PGAP1: variants seen among roughly 807,000 people sequenced by gnomAD.
PGAP1 encodes post-GPI attachment to proteins inositol deacylase 1.
A neutral mutation model predicts 127.0 loss-of-function variants in PGAP1; 76 were observed. That is an observed-to-expected ratio of 0.60 (90% CI 0.50 to 0.72). The LOEUF (loss-of-function observed/expected upper bound fraction) is 0.72, where lower values mean the gene tolerates loss of function less well. Ranked by LOEUF, PGAP1 falls within the 30% of genes least tolerant of loss-of-function variation. PGAP1 has a pLI of 0.00. For synonymous variants in PGAP1, 362 were observed against 366.5 expected, an observed-to-expected ratio of 0.99 and a Z score of 0.14; for missense variants, 982 against 1,071.3, an observed-to-expected ratio of 0.92 and a Z score of 1.16.
rs1039983512 is a variant in PGAP1, at chr2:196,902,657, C to A, written c.735G>T (p.Arg245=). ...LTTLSVAGGF[R]DYQVRSGLTF... ...TCAATCCTGAACGAACTTGGTAATCCCGGAATCCTCCAGCTACAGAAAGTG... is the reference window on the plus strand; with the variant it reads ...TCAATCCTGAACGAACTTGGTAATCACGGAATCCTCCAGCTACAGAAAGTG... The change falls in exon 5 of 27, where the codon CGG becomes CGT. Residue 245 remains arginine, a synonymous_variant. Coordinates refer to ENST00000354764, the MANE Select transcript of PGAP1 (RefSeq NM_024989.4). 6.2e-7 allele frequency: 1 copy of A among 1,612,784 alleles called. No individual in the cohort carries two copies. The highest frequency in any genetic ancestry group is 8.5e-7 in the Non-Finnish European group (1 of 1,179,258).
intron 20 of PGAP1, among the ~76,000 whole-genome samples, chr2:196,853,027 G>C (rs1407924314): frequency 6.6e-6 from 1 of 152,190 alleles, no homozygotes; most frequent in Non-Finnish European, 1.5e-5. Context: ...TAAAAATTTG[G>C]TCCCCTATGT....
At chr2:196,920,206 C>T (rs1187576531) in intron 1 of PGAP1, 56 bp from the exon 2 acceptor site, 2 of 1,480,262 alleles carry the variant, frequency 1.4e-6, no homozygotes, top group Non-Finnish European at 9.1e-7. Flanking sequence ...ACAATTCAGC[C>T]TCACCATATG....
intron 7 of PGAP1, among the ~76,000 whole-genome samples, chr2:196,895,337 A>AT (rs1477501815): frequency 6.6e-6 from 1 of 152,214 alleles, no homozygotes; most frequent in African/African-American, 2.4e-5. Flanking sequence ...TGTCTGACGT[A>AT]TCCTGTTCTT....
At chr2:196,858,315 T>C (rs1371813229) in intron 20 of PGAP1, among the ~76,000 whole-genome samples, 1 of 151,648 alleles carries the variant, frequency 6.6e-6, no homozygotes, top group Admixed American at 6.6e-5. Flanking sequence ...GGCAGGAGAA[T>C]GGCGTAAACC....
At chr2:196,890,806 T>A in intron 10 of PGAP1, 22 bp downstream of exon 10, 2 of 1,399,716 alleles carry the variant, frequency 1.4e-6, no homozygotes, top group Non-Finnish European at 2.0e-6. Context: ...TAAATTTACA[T>A]AAAATGTACC....
chr2:196,880,805 C>G (rs910283779), intron 12 of PGAP1, among the ~76,000 whole-genome samples: 6 of 152,150 alleles, frequency 3.9e-5, no homozygotes, highest in Admixed American at 6.6e-5. Context: ...TGGTAGAAGA[C>G]TGCTCTATTT....
At chr2:196,895,990 GT>G (rs1282205649) in intron 7 of PGAP1, among the ~76,000 whole-genome samples, 5 of 152,136 alleles carry the variant, frequency 3.3e-5, no homozygotes, top group Non-Finnish European at 7.4e-5. Flanking sequence ...ATGACCTGAG[GT>G]AAAAGGCTGT....
In PGAP1 at chr2:196,872,519, T is replaced by C. The variant is rs145378310; in HGVS notation, c.1650A>G (p.Lys550=). Residue 550 remains lysine (K), a synonymous_variant, in exon 18 of 27, where the codon AAA becomes AAG. Coordinates refer to ENST00000354764, the MANE Select transcript of PGAP1 (RefSeq NM_024989.4). ...QAPSSTEISL[K]LHIAQPENNT... ...TGTTTTCTGGTTGAGCAATATGGAG[T>C]TTCAGAGAAATTTCTGTGGAAGATG... The C allele has an allele frequency of 2.2e-5, 35 of 1,612,800 alleles. No individual in the cohort carries two copies. The highest frequency in any genetic ancestry group is 1.6e-4 in the Middle Eastern group (1 of 6,080).
At position 196,913,566 on chromosome 2, in the gene PGAP1, T is replaced by G. The variant is rs528017317; in HGVS notation, c.478-513A>C. On this transcript the variant is annotated intron_variant, in intron 3 of 26. Transcript: ENST00000354764. ...ACGAAGCAGCATTCCAAACATTTAT[T>G]CACTGACAATTCCATATTTTATTTT... Among the ~76,000 whole-genome samples, 27 of 152,384 alleles carry G rather than the reference T, an allele frequency of 1.8e-4. No homozygotes were observed. In the South Asian group the frequency reaches 5.2e-3, roughly 29 times the overall value.
intron 1 of PGAP1, among the ~76,000 whole-genome samples, chr2:196,923,327 C>A (rs1703267617): frequency 6.6e-6 from 1 of 152,176 alleles, no homozygotes; most frequent in Non-Finnish European, 1.5e-5. Flanking sequence ...ACTTCATACA[C>A]CCTCCATGTC....
intron 2 of PGAP1, among the ~76,000 whole-genome samples, chr2:196,919,408 A>T (rs1270370406): frequency 6.6e-6 from 1 of 152,178 alleles, no homozygotes; most frequent in East Asian, 1.9e-4. Flanking sequence ...TAGTCCATCA[A>T]ATAACAAGAA....
chr2:196,875,841 T>C lies in PGAP1; in HGVS notation c.1351-20A>G, dbSNP rs748611641. 8.0e-7 allele frequency: 1 copy of C among 1,249,488 alleles called. No homozygotes were observed. The highest frequency in any genetic ancestry group is 1.2e-6 in the Non-Finnish European group (1 of 868,492). The allele number at this position is 1,249,488 out of a possible 1,614,324, so 77.4% of individuals were successfully genotyped here. A position where few individuals can be genotyped will look rare whatever the true frequency, so the allele number is the denominator to read the frequency against. On this transcript the variant is annotated intron_variant, in intron 13 of 26. Transcript: ENST00000354764. ...AACAAACTGAAATATAAAACATTGA[T>C]TTATTAGAAAAAGTAAGTTAAATTT...
chr2:196,881,763 T>C (rs1365114436), intron 12 of PGAP1, among the ~76,000 whole-genome samples: 1 of 152,252 alleles, frequency 6.6e-6, no homozygotes, highest in Non-Finnish European at 1.5e-5. Flanking sequence ...TGCTGGATAT[T>C]AGACCTTTGT....
intron 1 of PGAP1, among the ~76,000 whole-genome samples, chr2:196,920,662 C>A (rs1703159402): frequency 6.6e-6 from 1 of 152,102 alleles, no homozygotes; most frequent in African/African-American, 2.4e-5. Flanking sequence ...TCTGACTTCT[C>A]AACTTAATAT....
intron 20 of PGAP1, among the ~76,000 whole-genome samples, chr2:196,862,602 C>T (rs766830012): frequency 6.6e-6 from 1 of 152,192 alleles, no homozygotes; most frequent in Non-Finnish European, 1.5e-5. Context: ...CATCACGGAA[C>T]CTACCAACAT....
chr2:196,896,807 C>CA (rs1702291713), intron 7 of PGAP1, among the ~76,000 whole-genome samples: 1 of 120,852 alleles, frequency 8.3e-6, no homozygotes, highest in African/African-American at 3.3e-5. Context: ...CCAGCCTGTG[C>CA]AACAGAGTGA....
rs749719250 is a variant in PGAP1, at chr2:196,926,562, A to G, written c.55T>C (p.Phe19Leu). Reference protein sequence around the residue: ...WNLAFYVFMVFLATLGLWDVF... With the variant: ...WNLAFYVFMVLLATLGLWDVF... ...TCCCACAGCCCCAGGGTTGCCAGAA[A>G]GACCATGAAGACATAAAACGCCAGG... The change falls in exon 1 of 27, where the codon TTT becomes CTT. Residue 19 changes from phenylalanine to leucine, a missense_variant. Phe to Leu is a conservative substitution (Grantham distance 22). Transcript: ENST00000354764. 243 of 1,613,990 alleles carry G rather than the reference A, an allele frequency of 1.5e-4. No individual in the cohort carries two copies. Among genetic ancestry groups the G allele is most frequent in the Non-Finnish European group, 1.9e-4 (223 of 1,179,944 alleles).
intron 12 of PGAP1, among the ~76,000 whole-genome samples, chr2:196,884,768 T>A (rs1383989165): frequency 2.0e-5 from 3 of 152,216 alleles, no homozygotes; most frequent in Non-Finnish European, 4.4e-5. Context: ...TCAATCCGGA[T>A]AAAATTTATC....
At chr2:196,898,926 G>GAAA (rs200619626) in intron 5 of PGAP1, among the ~76,000 whole-genome samples, 2 of 137,072 alleles carry the variant, frequency 1.5e-5, no homozygotes, top group Non-Finnish European at 3.2e-5. Context: ...TATATATTTT[G>GAAA]AAAAAAAAAA....
Sources: allele counts gnomAD v4.1 joint callset (sites outside exome capture counted in the v4.1 genomes callset), GRCh38; gene constraint gnomAD v4.1.1; transcripts MANE v1.5; gene names NCBI Gene and HGNC (gene_info 2026-07-23, HGNC 2026-07-21).